GRIK1: variants seen among roughly 807,000 people sequenced by gnomAD.
GRIK1 encodes the protein glutamate receptor ionotropic, kainate 1.
Under a neutral mutation model 105.7 loss-of-function variants are expected in GRIK1, and 69 were observed. The ratio of observed to expected loss-of-function variants is 0.65; its 90% CI spans 0.54 to 0.80. The LOEUF is 0.80. Ranked by LOEUF, GRIK1 falls within the 30% of genes least tolerant of loss-of-function variation. The pLI is 0.00. For missense variants in GRIK1, 1,109 were observed against 1,167.3 expected (o/e 0.95, Z 0.73); for synonymous variants, 438 against 431.3 (o/e 1.02, Z -0.19).
intron 1 of GRIK1, among the ~76,000 whole-genome samples, chr21:29,750,065 A>AT (rs1414883553): frequency 1.3e-5 from 2 of 152,222 alleles, no homozygotes; most frequent in African/African-American, 2.4e-5. Context: ...CCAACAAACT[A>AT]TTTTTTTAAT....
intron 3 of GRIK1, among the ~76,000 whole-genome samples, chr21:29,689,494 A>T (rs188551800): frequency 1.8e-4 from 28 of 152,028 alleles, no homozygotes; most frequent in East Asian, 5.8e-4. Flanking sequence ...TATTTCTTTT[A>T]AAAAAAAGTT....
chr21:29,735,783 G>T lies in GRIK1; in HGVS notation c.119-41720C>A, dbSNP rs192611087. 1.1e-3 allele frequency among the ~76,000 whole-genome samples: 157 copies of T among 149,386 alleles called. 1 individual carries two copies. Among genetic ancestry groups the T allele is most frequent in the Admixed American group, 2.3e-3 (34 of 14,826 alleles). On this transcript the variant is annotated intron_variant, in intron 1 of 17. Coordinates refer to ENST00000327783, the MANE Select transcript of GRIK1 (RefSeq NM_001330994.2). ...ATGGTAGCATGCACCTGTAGTCCCA[G>T]CTACTTGGGAGGCTGATCGCGCCAC...
In GRIK1 at chr21:29,537,162, T is replaced by C. The variant is rs1442486582; in HGVS notation, c.*68A>G. Reference sequence around the variant, plus strand: ...TATATGGAAACACATCACACACTCCTCAGAAATCCTTTCTCCAAAAATCTG... The same window carrying C: ...TATATGGAAACACATCACACACTCCCCAGAAATCCTTTCTCCAAAAATCTG... On this transcript the variant is annotated 3_prime_UTR_variant, in exon 18 of 18. Transcript: ENST00000327783. 1.8e-6 allele frequency: 2 copies of C among 1,129,716 alleles called. No homozygotes were observed. Among genetic ancestry groups the C allele is most frequent in the African/African-American group, 3.2e-5 (2 of 63,188 alleles). 70.0% of individuals were successfully genotyped at this position (1,129,716 alleles called of 1,614,324 possible).
rs2090222365 is a variant in GRIK1 at position 29,555,253 on chromosome 21, T to C, written c.2406A>G (p.Glu802=). The C allele has an allele frequency of 1.2e-6, 2 of 1,613,668 alleles. No homozygotes were observed. Among genetic ancestry groups the C allele is most frequent in the Non-Finnish European group, 1.7e-6 (2 of 1,179,630 alleles). The stretch of plus-strand genomic sequence containing the variant: ...CTTTCATCATATGCAGCTTCCCTTC[T>C]TCTTGGAGTTGAAGAATAGCAATAG... ...KITIAILQLQ[E]EGKLHMMKEK... Residue 802 remains glutamate (E), a synonymous_variant, in exon 16 of 18, where the codon GAA becomes GAG. Transcript: ENST00000327783.
At chr21:29,627,174 T>C (rs2062151195) in intron 7 of GRIK1, among the ~76,000 whole-genome samples, 1 of 152,250 alleles carries the variant, frequency 6.6e-6, no homozygotes. Context: ...ATTTATTATG[T>C]ACTTATATAT....
chr21:29,844,029 C>T (rs1018612609), intron 1 of GRIK1, among the ~76,000 whole-genome samples: 1 of 152,104 alleles, frequency 6.6e-6, no homozygotes, highest in Non-Finnish European at 1.5e-5. Flanking sequence ...AGAGTGACAG[C>T]GTGAGTTGTA....
intron 1 of GRIK1, among the ~76,000 whole-genome samples, chr21:29,736,679 T>C (rs2064799083): frequency 6.6e-6 from 1 of 151,218 alleles, no homozygotes; most frequent in Admixed American, 6.6e-5. Context: ...TTTCTTTCCT[T>C]TTCTTTTTTT....
rs1247459732 is a variant in GRIK1, at chr21:29,560,499, C to CTTTTCTTTTCTTT, written c.2356+1124_2356+1125insAAAGAAAAGAAAA. On this transcript the variant is annotated intron_variant, in intron 15 of 17. Transcript: ENST00000327783. ...TCTCTCTCCCTTTCTTTCTTTCTTT[C>CTTTTCTTTTCTTT]CTTCCTTCCTTCCTTCCTTCCTTTC... 1.1e-3 allele frequency among the ~76,000 whole-genome samples: 13 copies of CTTTTCTTTTCTTT among 12,036 alleles called. 1 individual carries two copies. The highest frequency in any genetic ancestry group is 5.9e-3 in the African/African-American group (13 of 2,206). 7.9% of individuals were successfully genotyped at this position (12,036 alleles called of 152,430 possible). A position where few individuals can be genotyped will look rare whatever the true frequency, so the allele number is the denominator to read the frequency against.
chr21:29,621,137 A>C (rs1210901034), intron 7 of GRIK1, among the ~76,000 whole-genome samples: 1 of 152,108 alleles, frequency 6.6e-6, no homozygotes, highest in Non-Finnish European at 1.5e-5. Flanking sequence ...TAAAAAGAAG[A>C]AAGCCAGCCT....
intron 1 of GRIK1, among the ~76,000 whole-genome samples, chr21:29,756,608 C>T (rs991960144): frequency 1.3e-5 from 2 of 151,680 alleles, no homozygotes; most frequent in African/African-American, 4.8e-5. Flanking sequence ...AAAGATCTTA[C>T]AAATATCCAA....
At chr21:29,712,083 T>TACACACACACACAC (rs56017389) in intron 1 of GRIK1, among the ~76,000 whole-genome samples, 1,562 of 135,300 alleles carry the variant, frequency 0.012, 14 homozygotes, top group Middle Eastern at 0.019. Flanking sequence ...TATACATACA[T>TACACACACACACAC]ACACACACAC....
intron 1 of GRIK1, among the ~76,000 whole-genome samples, chr21:29,746,785 C>A (rs1001604142): frequency 2.6e-5 from 4 of 152,108 alleles, no homozygotes; most frequent in African/African-American, 4.8e-5. Context: ...AAGGGAACAA[C>A]CAGAAATGCA....
chr21:29,778,953 GA>G (rs2066017039), intron 1 of GRIK1, among the ~76,000 whole-genome samples: 1 of 152,116 alleles, frequency 6.6e-6, no homozygotes, highest in African/African-American at 2.4e-5. Flanking sequence ...AATGATTTGG[GA>G]AAATATTTTA....
At chr21:29,573,505 C>G (rs1188877542) in intron 14 of GRIK1, among the ~76,000 whole-genome samples, 1 of 151,590 alleles carries the variant, frequency 6.6e-6, no homozygotes, top group East Asian at 1.9e-4. Context: ...TTTGGGAGGC[C>G]GAGACAGGTG....
At chr21:29,636,094 C>T (rs1302927021) in intron 7 of GRIK1, among the ~76,000 whole-genome samples, 1 of 152,092 alleles carries the variant, frequency 6.6e-6, no homozygotes, top group Non-Finnish European at 1.5e-5. Context: ...TAGTAGAAGG[C>T]ACAACAGCCA....
Position 29,862,213 on chromosome 21 carries a change from C to G in GRIK1, c.118+77170G>C, listed in dbSNP as rs140099030. On this transcript the variant is annotated intron_variant, in intron 1 of 17. Coordinates refer to ENST00000327783, the MANE Select transcript of GRIK1 (RefSeq NM_001330994.2). ...ATGTTGCCTAGTCTGGTCTCAAACTCCTGGCCTCAAGCAACCCTCTTGCCT... is the reference window on the plus strand; with the variant it reads ...ATGTTGCCTAGTCTGGTCTCAAACTGCTGGCCTCAAGCAACCCTCTTGCCT... 2.6e-3 allele frequency among the ~76,000 whole-genome samples: 393 copies of G among 152,228 alleles called. 5 individuals carry two copies. Among genetic ancestry groups the G allele is most frequent in the East Asian group, 2.1e-3 (11 of 5,176 alleles).
intron 1 of GRIK1, among the ~76,000 whole-genome samples, chr21:29,781,125 T>A (rs1258770104): frequency 6.6e-6 from 1 of 152,210 alleles, no homozygotes; most frequent in Admixed American, 6.5e-5. Context: ...ACATCTCTTT[T>A]ATGTACACAC....
At position 29,693,805 on chromosome 21, in the gene GRIK1, C is replaced by T. The variant is rs573753628; in HGVS notation, c.286+91G>A. 30 of 909,990 alleles carry T rather than the reference C, an allele frequency of 3.3e-5. 1 individual carries two copies. The East Asian group carries it at 4.3e-4, about 13-fold the overall frequency. 56.4% of individuals were successfully genotyped at this position (909,990 alleles called of 1,614,324 possible). On this transcript the variant is annotated intron_variant, in intron 2 of 17. Transcript: ENST00000327783. ...CGCGACCCATTTGCACAAAGATGCC[C>T]GCTTTAAAAGAGGGCAGGTAGCAAA...
intron 1 of GRIK1, among the ~76,000 whole-genome samples, chr21:29,931,951 A>G (rs2071581901): frequency 6.6e-6 from 1 of 152,228 alleles, no homozygotes; most frequent in Non-Finnish European, 1.5e-5. Flanking sequence ...CTTAGTCTCC[A>G]AATTGATGAT....
Sources: allele counts gnomAD v4.1 joint callset (sites outside exome capture counted in the v4.1 genomes callset), GRCh38; gene constraint gnomAD v4.1.1; transcripts MANE v1.5; gene names NCBI Gene and HGNC (gene_info 2026-07-23, HGNC 2026-07-21).